The following FBXO36 variants were observed in gnomAD, a reference collection of about 807,000 sequenced individuals.
FBXO36 encodes the protein F-box protein 36.
FBXO36 carries 18 observed loss-of-function variants against 17.0 expected under a neutral mutation model. The ratio of observed to expected loss-of-function variants is 1.06; its 90% CI spans 0.73 to 1.57. The LOEUF (loss-of-function observed/expected upper bound fraction) is 1.57. FBXO36 is among the 40% of genes most tolerant of loss of function. The pLI is 0.00. For synonymous variants in FBXO36, 83 were observed against 85.3 expected, an observed-to-expected ratio of 0.97 and a Z score of 0.15; for missense variants, 229 against 221.9, an observed-to-expected ratio of 1.03 and a Z score of -0.20.
At chr2:229,933,854 T>C (rs1031887827) in intron 1 of FBXO36, among the ~76,000 whole-genome samples, 6 of 151,860 alleles carry the variant, frequency 4.0e-5, no homozygotes, top group Non-Finnish European at 8.8e-5. Flanking sequence ...CCCAGCTAAT[T>C]GTTGTATTTT....
At chr2:230,009,662 C>T (rs913557967) in intron 3 of FBXO36, among the ~76,000 whole-genome samples, 4 of 151,990 alleles carry the variant, frequency 2.6e-5, no homozygotes, top group Admixed American at 6.6e-5. Context: ...ATACAACTTC[C>T]GGCCGGGCAC....
At chr2:229,994,838 G>A (rs1040143315) in intron 2 of FBXO36, among the ~76,000 whole-genome samples, 34 of 152,090 alleles carry the variant, frequency 2.2e-4, no homozygotes, top group South Asian at 8.3e-4. Flanking sequence ...AGTCTTGGCC[G>A]GGCATGGTGG....
chr2:229,984,123 G>C (rs897068209), intron 2 of FBXO36, among the ~76,000 whole-genome samples: 2 of 152,094 alleles, frequency 1.3e-5, no homozygotes, highest in Non-Finnish European at 1.5e-5. Context: ...GCCGAGGCGG[G>C]TGGATCCCGA....
intron 3 of FBXO36, among the ~76,000 whole-genome samples, chr2:230,006,112 T>G (rs1273338182): frequency 2.0e-5 from 3 of 149,262 alleles, no homozygotes; most frequent in Non-Finnish European, 4.5e-5. Flanking sequence ...TTAGTTTTTT[T>G]TTTTTTTTTT....
At chr2:229,990,164 A>G (rs547849788) in intron 2 of FBXO36, among the ~76,000 whole-genome samples, 7 of 150,786 alleles carry the variant, frequency 4.6e-5, no homozygotes, top group Non-Finnish European at 1.0e-4. Flanking sequence ...TTTCCTCTAT[A>G]AGAGGGGAAT....
chr2:229,943,352 A>C (rs2077010052), intron 1 of FBXO36: 1 of 152,276 alleles, frequency 6.6e-6, no homozygotes, highest in Non-Finnish European at 1.5e-5. Context: ...GGTCCAGGTC[A>C]GGTGGCCACC....
intron 3 of FBXO36, among the ~76,000 whole-genome samples, chr2:230,004,502 C>A (rs113919872): frequency 3.3e-5 from 5 of 152,168 alleles, no homozygotes; most frequent in African/African-American, 9.7e-5. Flanking sequence ...GACCCTCATT[C>A]CTCTGATTCT....
intron 1 of FBXO36, among the ~76,000 whole-genome samples, chr2:229,948,783 G>A (rs897904045): frequency 1.3e-5 from 2 of 152,130 alleles, no homozygotes; most frequent in Admixed American, 1.3e-4. Flanking sequence ...ATGGAAAGGG[G>A]CCTGGTTCCC....
At chr2:229,988,579 G>C (rs1397814637) in intron 2 of FBXO36, among the ~76,000 whole-genome samples, 2 of 152,036 alleles carry the variant, frequency 1.3e-5, no homozygotes, top group African/African-American at 4.8e-5. Flanking sequence ...TAGTTTCCCA[G>C]GCTGGAGTGC....
intron 3 of FBXO36, among the ~76,000 whole-genome samples, chr2:230,002,403 A>C (rs2077364325): frequency 1.4e-5 from 2 of 144,362 alleles, no homozygotes; most frequent in Admixed American, 1.4e-4. Context: ...TTCCTTTTTG[A>C]GACAGGGTCT....
chr2:229,953,636 C>T (rs946227353), intron 1 of FBXO36, among the ~76,000 whole-genome samples: 1 of 151,232 alleles, frequency 6.6e-6, no homozygotes, highest in African/African-American at 2.4e-5. Context: ...CATGCCACTG[C>T]ACTCCAGCCT....
intron 1 of FBXO36, among the ~76,000 whole-genome samples, chr2:229,941,558 G>A (rs1371775934): frequency 6.6e-6 from 1 of 151,946 alleles, no homozygotes. Context: ...GAAGCTCGAA[G>A]TGGCCATTCT....
At chr2:229,968,836 C>T (rs1464369888) in intron 1 of FBXO36, among the ~76,000 whole-genome samples, 2 of 151,930 alleles carry the variant, frequency 1.3e-5, no homozygotes, top group Non-Finnish European at 2.9e-5. Context: ...TGCAGTGGTG[C>T]AATCTCCACT....
chr2:229,937,572 C>T (rs946894483), intron 1 of FBXO36, among the ~76,000 whole-genome samples: 1 of 152,174 alleles, frequency 6.6e-6, no homozygotes, highest in African/African-American at 2.4e-5. Context: ...AAAGCTCCTA[C>T]CGTATTCTAC....
intron 1 of FBXO36, among the ~76,000 whole-genome samples, chr2:229,933,102 G>T (rs1256221458): frequency 6.6e-6 from 1 of 152,116 alleles, no homozygotes; most frequent in Non-Finnish European, 1.5e-5. Context: ...TTGCATCGAA[G>T]ATTGTATATT....
At chr2:229,964,282 C>A (rs1249149753) in intron 1 of FBXO36, among the ~76,000 whole-genome samples, 5 of 152,138 alleles carry the variant, frequency 3.3e-5, no homozygotes, top group African/African-American at 9.7e-5. Context: ...TGTATAACCG[C>A]CATCATTATC....
intron 1 of FBXO36, among the ~76,000 whole-genome samples, chr2:229,961,445 G>A (rs531220658): frequency 1.3e-5 from 2 of 151,892 alleles, no homozygotes; most frequent in East Asian, 3.9e-4. Flanking sequence ...GTGCGATCTC[G>A]GCTCACTGCA....
intron 1 of FBXO36, among the ~76,000 whole-genome samples, chr2:229,947,023 C>T (rs561265136): frequency 6.6e-6 from 1 of 152,116 alleles, no homozygotes; most frequent in East Asian, 1.9e-4. Flanking sequence ...AAAAAATTAG[C>T]TGGGCATGGT....
intron 3 of FBXO36, among the ~76,000 whole-genome samples, chr2:229,997,604 A>G (rs2077334229): frequency 1.3e-5 from 2 of 151,592 alleles, no homozygotes; most frequent in East Asian, 1.9e-4. Flanking sequence ...GAGAGAGAGA[A>G]TAGGGCAAGG....
Sources: gnomAD v4.1 joint callset for allele counts (sites outside exome capture counted in the v4.1 genomes callset) on GRCh38, gnomAD v4.1.1 for gene constraint, MANE v1.5 for transcripts, NCBI Gene and HGNC (gene_info 2026-07-23, HGNC 2026-07-21) for gene names.